PCDHGB7: variants seen among roughly 807,000 people sequenced by gnomAD.
PCDHGB7 encodes protocadherin gamma-B7.
A neutral mutation model predicts 61.4 loss-of-function variants in PCDHGB7; 37 were observed. That is an observed-to-expected ratio of 0.60 (90% CI 0.46 to 0.79). The LOEUF (loss-of-function observed/expected upper bound fraction) is 0.79, where lower values mean the gene tolerates loss of function less well. Among genes scored for constraint, PCDHGB7 ranks in the 30% least tolerant of loss-of-function variants. The pLI is 0.00. For synonymous variants in PCDHGB7, 464 were observed against 503.5 expected (o/e 0.92, Z 1.05); for missense variants, 1,166 against 1,202.5 (o/e 0.97, Z 0.45).
intron 1 of PCDHGB7, among the ~76,000 whole-genome samples, chr5:141,454,538 C>G (rs1229435473): frequency 6.6e-6 from 1 of 152,110 alleles, no homozygotes; most frequent in African/African-American, 2.4e-5. Context: ...TCCCAAGTAG[C>G]TGAGATTACA....
Position 141,485,117 on chromosome 5 carries a change from G to A in PCDHGB7, c.2416-9690G>A. The A allele has an allele frequency of 3.0e-6, 4 of 1,326,200 alleles. No homozygotes were observed. The highest frequency in any genetic ancestry group is 4.3e-6 in the Non-Finnish European group (4 of 933,470). 82.2% of individuals were successfully genotyped at this position (1,326,200 alleles called of 1,614,324 possible). On this transcript the variant is annotated intron_variant, in intron 1 of 3. Transcript: ENST00000398594. The surrounding 1 kb of genome is among the most constrained non-coding windows in gnomAD (Gnocchi z 5.7). ...GTCTCCAGCTGCTGTGGCTGTTTGG[G>A]GCGGGTCGGCTTCATCCGCGTCTCA...
chr5:141,495,108 C>G (rs1304714928), intron 2 of PCDHGB7, among the ~76,000 whole-genome samples: 1 of 152,176 alleles, frequency 6.6e-6, no homozygotes, highest in Admixed American at 6.5e-5. Context: ...ACGACCGGCA[C>G]CTTTTCCTAT....
chr5:141,496,802 A>G (rs1483438160), intron 2 of PCDHGB7, among the ~76,000 whole-genome samples: 1 of 152,050 alleles, frequency 6.6e-6, no homozygotes, highest in Admixed American at 6.6e-5. Flanking sequence ...ACATTGGGCT[A>G]TAGGAGTGAA....
At chr5:141,427,722 G>C (rs755543438) in intron 1 of PCDHGB7, 7 of 1,120,986 alleles carry the variant, frequency 6.2e-6, no homozygotes, top group Non-Finnish European at 9.3e-6. Context: ...CCTGGACCTA[G>C]GGCTGAATGG....
intron 1 of PCDHGB7, chr5:141,428,251 T>C (rs761574102): frequency 1.1e-5 from 10 of 893,496 alleles, no homozygotes; most frequent in Middle Eastern, 2.1e-4. Flanking sequence ...ACTGCCAGAC[T>C]TCAGTGACAG....
At chr5:141,508,408 C>T (rs938019804) in intron 3 of PCDHGB7, 1 of 152,180 alleles carries the variant, frequency 6.6e-6, no homozygotes, top group Non-Finnish European at 1.5e-5. Context: ...GCTTGAGCCA[C>T]GCAGAGACTT....
Position 141,432,108 on chromosome 5 carries a change from C to G in PCDHGB7, c.2415+11834C>G. ...GTGGCAGACACCAACGACAACCCGC[C>G]GGTCTTCCCTCAGGCCTCCTATTCC... On this transcript the variant is annotated intron_variant, in intron 1 of 3. Coordinates refer to ENST00000398594, the MANE Select transcript of PCDHGB7 (RefSeq NM_018927.4). The surrounding 1 kb of genome is among the most constrained non-coding windows in gnomAD (Gnocchi z 6.0). 4 of 1,614,180 alleles carry G rather than the reference C, an allele frequency of 2.5e-6. No homozygotes were observed. The highest frequency in any genetic ancestry group is 3.4e-6 in the Non-Finnish European group (4 of 1,180,046).
In PCDHGB7 at chr5:141,434,915, T is replaced by A. The variant is rs1301814716; in HGVS notation, c.2415+14641T>A. Among the ~76,000 whole-genome samples, 3 of 151,830 alleles carry A rather than the reference T, an allele frequency of 2.0e-5. No homozygotes were observed. The East Asian group carries it at 5.8e-4, about 29-fold the overall frequency. ...GTCCCCTTCCCTCATACCTTATTTATGTACATATATTTTATATAATAGATA... is the reference window on the plus strand; with the variant it reads ...GTCCCCTTCCCTCATACCTTATTTAAGTACATATATTTTATATAATAGATA... On this transcript the variant is annotated intron_variant, in intron 1 of 3. Transcript: ENST00000398594.
At chr5:141,426,013 T>C (rs2096909409) in intron 1 of PCDHGB7, among the ~76,000 whole-genome samples, 1 of 152,144 alleles carries the variant, frequency 6.6e-6, no homozygotes, top group Admixed American at 6.5e-5. Flanking sequence ...CCGGCTGCAG[T>C]TTTCTAAATA....
rs376527354 is a variant in PCDHGB7, at chr5:141,439,129, G to A, written c.2415+18855G>A. Among the ~76,000 whole-genome samples the A allele has an allele frequency of 7.3e-5, 11 of 151,064 alleles. No individual in the cohort carries two copies. The South Asian group carries it at 2.3e-3, about 32-fold the overall frequency. The stretch of plus-strand genomic sequence containing the variant: ...AATCACTTGAACCCGGGAGACAGAG[G>A]TTGCAGTGAGCTGAGATCACGCCAC... On this transcript the variant is annotated intron_variant, in intron 1 of 3. Coordinates refer to ENST00000398594, the MANE Select transcript of PCDHGB7 (RefSeq NM_018927.4).
intron 1 of PCDHGB7, chr5:141,422,687 T>C: frequency 6.2e-7 from 1 of 1,604,936 alleles, no homozygotes; most frequent in Non-Finnish European, 8.5e-7. Flanking sequence ...CAGAATGCCC[T>C]GGTCACTTAC....
At position 141,485,930 on chromosome 5, in the gene PCDHGB7, G is replaced by C; in HGVS notation, c.2416-8877G>C. ...ATCCAGCTACAGGATTAGTGTGTTGGAGAGCGCACCAGCGGGCATGGTGCT... is the reference window on the plus strand; with the variant it reads ...ATCCAGCTACAGGATTAGTGTGTTGCAGAGCGCACCAGCGGGCATGGTGCT... On this transcript the variant is annotated intron_variant, in intron 1 of 3. Coordinates refer to ENST00000398594, the MANE Select transcript of PCDHGB7 (RefSeq NM_018927.4). The surrounding 1 kb of genome is among the most constrained non-coding windows in gnomAD (Gnocchi z 5.7). 6.2e-7 allele frequency: 1 copy of C among 1,614,178 alleles called. No homozygotes were observed. The highest frequency in any genetic ancestry group is 8.5e-7 in the Non-Finnish European group (1 of 1,180,042).
chr5:141,469,476 G>A (rs2154570344), intron 1 of PCDHGB7, among the ~76,000 whole-genome samples: 1 of 152,246 alleles, frequency 6.6e-6, no homozygotes, highest in South Asian at 2.1e-4. Context: ...TCGGGAGGCT[G>A]AGGCAGGAGA....
chr5:141,495,434 G>A (rs1038100521), intron 2 of PCDHGB7, among the ~76,000 whole-genome samples: 2 of 152,196 alleles, frequency 1.3e-5, no homozygotes, highest in Non-Finnish European at 2.9e-5. Flanking sequence ...ACTGTCCTCT[G>A]CCCCTACTTG....
intron 1 of PCDHGB7, among the ~76,000 whole-genome samples, chr5:141,439,139 G>T (rs2098090438): frequency 6.6e-6 from 1 of 150,672 alleles, no homozygotes; most frequent in South Asian, 2.1e-4. Flanking sequence ...GTTGCAGTGA[G>T]CTGAGATCAC....
At chr5:141,500,167 A>C (rs976308963) in intron 2 of PCDHGB7, among the ~76,000 whole-genome samples, 1 of 150,656 alleles carries the variant, frequency 6.6e-6, no homozygotes, top group African/African-American at 2.4e-5. Context: ...AAGAACATGC[A>C]TGAGCTTCAT....
intron 1 of PCDHGB7, among the ~76,000 whole-genome samples, chr5:141,444,253 C>T (rs2154560603): frequency 7.0e-6 from 1 of 142,690 alleles, no homozygotes; most frequent in South Asian, 2.3e-4. Flanking sequence ...CTCACTGCAA[C>T]CTCCGCCTCC....
At chr5:141,451,224 C>G (rs2098710956) in intron 1 of PCDHGB7, among the ~76,000 whole-genome samples, 1 of 152,170 alleles carries the variant, frequency 6.6e-6, no homozygotes, top group South Asian at 2.1e-4. Flanking sequence ...TTAAAAGAAG[C>G]ATTTATTATC....
intron 1 of PCDHGB7, among the ~76,000 whole-genome samples, chr5:141,456,460 C>G (rs1444956833): frequency 6.6e-6 from 1 of 152,002 alleles, no homozygotes; most frequent in East Asian, 1.9e-4. Context: ...AATATCAATA[C>G]AAGACATATA....
Sources: allele counts gnomAD v4.1 joint callset (sites outside exome capture counted in the v4.1 genomes callset), GRCh38; gene constraint gnomAD v4.1.1; non-coding constraint Gnocchi (gnomAD v3.1); transcripts MANE v1.5; gene names NCBI Gene and HGNC (gene_info 2026-07-23, HGNC 2026-07-21).